Variants in SLC5A6 observed in about 807,000 individuals in gnomAD.
The protein encoded by SLC5A6 is sodium-dependent multivitamin transporter.
A neutral mutation model predicts 67.9 loss-of-function variants in SLC5A6; 31 were observed. The observed-to-expected ratio is 0.46, with a 90% confidence interval of 0.34 to 0.62. SLC5A6 has a LOEUF of 0.62. Ranked by LOEUF, SLC5A6 falls within the 20% of genes least tolerant of loss-of-function variation. SLC5A6 has a pLI of 0.01. For synonymous variants in SLC5A6, 343 were observed against 331.0 expected (o/e 1.04, Z -0.39); for missense variants, 673 against 812.8 (o/e 0.83, Z 2.09).
intron 4 of SLC5A6, 67 bp downstream of exon 4, chr2:27,206,810 C>T (rs373318841): frequency 8.1e-7 from 1 of 1,235,866 alleles, no homozygotes; most frequent in Non-Finnish European, 1.2e-6. Flanking sequence ...CTCCAATTCC[C>T]TCAGCATGCT....
chr2:27,212,386 G>C, upstream of SLC5A6: 1 of 1,550,780 alleles, frequency 6.4e-7, no homozygotes, highest in Non-Finnish European at 8.7e-7. Context: ...CTCACGACCC[G>C]GGTAGTCTTA....
In SLC5A6 at chr2:27,202,887, G is replaced by T. The variant is rs751375193; in HGVS notation, c.1208-7C>A. 16 of 1,613,664 alleles carry T rather than the reference G, an allele frequency of 9.9e-6. No homozygotes were observed. Among genetic ancestry groups the T allele is most frequent in the Non-Finnish European group, 1.4e-5 (16 of 1,179,872 alleles). On this transcript the variant is annotated splice_polypyrimidine_tract_variant and splice_region_variant and intron_variant, in intron 11 of 16. Transcript: ENST00000310574. ...AGCAGCCCATAGCCAAAGGCTGGGG[G>T]AAAAGGACAGGAGAGGAAACAAGAA...
chr2:27,210,675 C>A (rs1383928875), intron 2 of SLC5A6, among the ~76,000 whole-genome samples: 1 of 149,964 alleles, frequency 6.7e-6, no homozygotes, highest in Non-Finnish European at 1.5e-5. Context: ...AAACTCCTGA[C>A]ATGACGATCC....
chr2:27,206,730 C>T, intron 4 of SLC5A6, 147 bp downstream of exon 4: 1 of 855,392 alleles, frequency 1.2e-6, no homozygotes. Context: ...CAGCAGGATG[C>T]CTCTGGGGTC....
intron 1 of SLC5A6, 190 bp downstream of exon 1, chr2:27,211,830 T>G: frequency 7.1e-6 from 1 of 141,620 alleles, no homozygotes; most frequent in African/African-American, 3.3e-5. Flanking sequence ...CCCCGCCCCC[T>G]TGTCCCCGCC....
chr2:27,202,638 C>A lies in SLC5A6; in HGVS notation c.1275+175G>T, dbSNP rs145748011. Among the ~76,000 whole-genome samples the A allele has an allele frequency of 5.8e-3, 885 of 151,986 alleles. 5 individuals are homozygous for A. The highest frequency in any genetic ancestry group is 0.02 in the African/African-American group (835 of 41,464). ...CAGCCTACAACATCCCAGGAATGAC[C>A]CTGCGTCCTCTGGCTGCTTGCAAGT... On this transcript the variant is annotated intron_variant, in intron 12 of 16. Coordinates refer to ENST00000310574, the MANE Select transcript of SLC5A6 (RefSeq NM_021095.4).
Position 27,202,693 on chromosome 2 carries a change from G to C in SLC5A6, c.1275+120C>G. On this transcript the variant is annotated intron_variant, in intron 12 of 16. Transcript: ENST00000310574. ...TCACAGTAAAGACGGTCCATCAAAG[G>C]GGAATCTCTTACGCCTGCCCCCCGG... is the stretch of plus-strand genomic sequence containing the variant. 4.6e-6 allele frequency: 4 copies of C among 864,856 alleles called. No individual in the cohort carries two copies. The South Asian group carries it at 5.4e-5, about 12-fold the overall frequency. The allele number at this position is 864,856 out of a possible 1,614,324, so 53.6% of individuals were successfully genotyped here.
chr2:27,201,425 A>C lies in SLC5A6; in HGVS notation c.1573T>G (p.Leu525Val). 1 of 1,613,412 alleles carries C rather than the reference A, an allele frequency of 6.2e-7. No homozygotes were observed. The highest frequency in any genetic ancestry group is 8.5e-7 in the Non-Finnish European group (1 of 1,179,376). The change falls in exon 15 of 17, where the codon TTG (leucine) becomes GTG (valine). Residue 525 changes from leucine (L) to valine (V), a missense_variant. By Grantham distance (32) the Leu-to-Val change is conservative. Coordinates refer to ENST00000310574, the MANE Select transcript of SLC5A6 (RefSeq NM_021095.4). ...KPTGLQRFYS[L>V]SYLWYSAHNS... ...TGAGCACTGTACCATAAGTAAGACA[A>C]GGAATAGAACCGCTGCAGCCCTGTG... is the stretch of plus-strand genomic sequence containing the variant.
At chr2:27,209,521 A>G (rs1210955793) in intron 2 of SLC5A6, among the ~76,000 whole-genome samples, 1 of 152,226 alleles carries the variant, frequency 6.6e-6, no homozygotes, top group Non-Finnish European at 1.5e-5. Context: ...GCAGCATGAT[A>G]CAAAACAAGA....
chr2:27,206,375 C>T, intron 5 of SLC5A6, 108 bp downstream of exon 5: 1 of 1,054,382 alleles, frequency 9.5e-7, no homozygotes, highest in Non-Finnish European at 1.4e-6. Context: ...GAATTAATTC[C>T]CCATTCAAGG....
At chr2:27,209,034 G>T (rs1383205877) in intron 2 of SLC5A6, among the ~76,000 whole-genome samples, 1 of 152,140 alleles carries the variant, frequency 6.6e-6, no homozygotes, top group African/African-American at 2.4e-5. Context: ...AGAGGGAAGG[G>T]ATCATAATAT....
Position 27,207,597 on chromosome 2 carries a change from G to A in SLC5A6, c.54C>T (p.Ser18=), listed in dbSNP as rs771351149. The A allele has an allele frequency of 1.2e-5, 20 of 1,614,074 alleles. No homozygotes were observed. The highest frequency in any genetic ancestry group is 4.5e-5 in the East Asian group (2 of 44,898). ...TGATGGAGAAGGTAGACATGCCCAC[G>A]CTTGTGCCCGAGGTTGGGGAAAGAG... ...SAPLSPTSGT[S]VGMSTFSIMD... The change falls in exon 3 of 17, where the codon AGC becomes AGT. Residue 18 remains serine (S), a synonymous_variant. Transcript: ENST00000310574. This position sits in a 1 kb window ranked among gnomAD's most constrained non-coding sequence, Gnocchi z 5.5.
rs188933728 is a variant in SLC5A6, at chr2:27,207,283, C to A, written c.368G>T (p.Arg123Leu). 7 of 1,613,768 alleles carry A rather than the reference C, an allele frequency of 4.3e-6. No individual in the cohort carries two copies. Among genetic ancestry groups the A allele is most frequent in the Non-Finnish European group, 5.1e-6 (6 of 1,180,006 alleles). ...CTCATAGGCACTGGTGAGATGCAGG[C>A]GGTAGAAAACGGGGATGAAGATGTG... ...PAHIFIPVFY[R>L]LHLTSAYEYL... The change falls in exon 3 of 17, where the codon CGC becomes CTC. Residue 123 changes from arginine to leucine, a missense_variant. Transcript: ENST00000310574. This position sits in a 1 kb window ranked among gnomAD's most constrained non-coding sequence, Gnocchi z 5.5.
At chr2:27,210,482 G>A (rs1674395549) in intron 2 of SLC5A6, among the ~76,000 whole-genome samples, 1 of 151,472 alleles carries the variant, frequency 6.6e-6, no homozygotes, top group African/African-American at 2.4e-5. Context: ...CCAGGCTGGA[G>A]TGCAGTGACA....
rs1673687570 is a variant in SLC5A6, at chr2:27,202,082, G to A, written c.1276-8C>T. ...AAAGATGCTGATTGCTGCCTAGGAGGACAGGGTGAGAAGAAAAGGAAAAAG... is the reference window on the plus strand; with the variant it reads ...AAAGATGCTGATTGCTGCCTAGGAGAACAGGGTGAGAAGAAAAGGAAAAAG... On this transcript the variant is annotated splice_polypyrimidine_tract_variant and splice_region_variant and intron_variant, in intron 12 of 16. Transcript: ENST00000310574. 1.9e-6 allele frequency: 3 copies of A among 1,605,190 alleles called. No individual in the cohort carries two copies. The highest frequency in any genetic ancestry group is 1.1e-5 in the South Asian group (1 of 90,892).
chr2:27,206,256 A>G, intron 5 of SLC5A6, 163 bp from the exon 6 acceptor site: 1 of 722,320 alleles, frequency 1.4e-6, no homozygotes. Context: ...GCTCCACCAA[A>G]AGATATTGAC....
In SLC5A6 at chr2:27,207,769, G is replaced by T; in HGVS notation, c.-119C>A. The stretch of plus-strand genomic sequence containing the variant: ...CACAGTCTCACAGTCTTCCTCCACG[G>T]AGTGATACTGTCCAGGGTGAGCTGC... On this transcript the variant is annotated 5_prime_UTR_variant, in exon 3 of 17. Coordinates refer to ENST00000310574, the MANE Select transcript of SLC5A6 (RefSeq NM_021095.4). The surrounding 1 kb of genome is among the most constrained non-coding windows in gnomAD (Gnocchi z 5.5). 1.1e-6 allele frequency: 1 copy of T among 917,352 alleles called. No homozygotes were observed. The allele number at this position is 917,352 out of a possible 1,614,324, so 56.8% of individuals were successfully genotyped here. A position where few individuals can be genotyped will look rare whatever the true frequency, so the allele number is the denominator to read the frequency against.
Position 27,207,072 on chromosome 2 carries a change from C to A in SLC5A6, c.394-130G>T. ...CCACTCTGAGTCCTACTCGGCATAGCACCCTCCTCTCCAATCCTGCCCCTA... is the reference window on the plus strand; with the variant it reads ...CCACTCTGAGTCCTACTCGGCATAGAACCCTCCTCTCCAATCCTGCCCCTA... On this transcript the variant is annotated intron_variant, in intron 3 of 16. Coordinates refer to ENST00000310574, the MANE Select transcript of SLC5A6 (RefSeq NM_021095.4). This position sits in a 1 kb window ranked among gnomAD's most constrained non-coding sequence, Gnocchi z 5.5. 2 of 1,015,802 alleles carry A rather than the reference C, an allele frequency of 2.0e-6. No individual in the cohort carries two copies. Among genetic ancestry groups the A allele is most frequent in the Admixed American group, 1.8e-5 (1 of 56,534 alleles). 62.9% of individuals were successfully genotyped at this position (1,015,802 alleles called of 1,614,324 possible). A position where few individuals can be genotyped will look rare whatever the true frequency, so the allele number is the denominator to read the frequency against.
chr2:27,206,123 C>T (rs1047253463), intron 5 of SLC5A6, 30 bp from the exon 6 acceptor site: 1 of 1,609,800 alleles, frequency 6.2e-7, no homozygotes, highest in African/African-American at 1.3e-5. Flanking sequence ...ATTCTTATCC[C>T]TGGAAAAGGG....
Sources: allele counts gnomAD v4.1 joint callset (sites outside exome capture counted in the v4.1 genomes callset), GRCh38; gene constraint gnomAD v4.1.1; non-coding constraint Gnocchi (gnomAD v3.1); transcripts MANE v1.5; gene names NCBI Gene and HGNC (gene_info 2026-07-23, HGNC 2026-07-21).